Variants in ANKRD24 observed in about 807,000 individuals in gnomAD.
ANKRD24 encodes ankyrin repeat domain-containing protein 24.
ANKRD24 carries 109 observed loss-of-function variants against 127.8 expected under a neutral mutation model. The observed-to-expected ratio is 0.85, with a 90% confidence interval of 0.73 to 1.00. The LOEUF is 1.00. Ranked by LOEUF, ANKRD24 falls within the 50% of genes least tolerant of loss-of-function variation. The probability of loss-of-function intolerance (pLI) is 0.00; values close to 1 mark genes in which losing one functional copy is unlikely to be tolerated. For missense variants in ANKRD24, 1,648 were observed against 1,570.2 expected (o/e 1.05, Z -0.84); for synonymous variants, 743 against 671.1 (o/e 1.11, Z -1.66).
intron 7 of ANKRD24, among the ~76,000 whole-genome samples, chr19:4,205,152 T>C (rs150429823): frequency 0.043 from 6,468 of 151,622 alleles, 373 homozygotes; most frequent in African/African-American, 0.13. Context: ...GCAGGAGAAT[T>C]GCTTAAACCC....
chr19:4,194,419 C>T (rs1045062350), intron 2 of ANKRD24, among the ~76,000 whole-genome samples: 5 of 152,132 alleles, frequency 3.3e-5, no homozygotes, highest in African/African-American at 1.2e-4. Context: ...TCCCAAAGTG[C>T]TGAGATTGTA....
rs182130038 is a variant in ANKRD24 at position 4,195,158 on chromosome 19, C to T, written c.37-4525C>T. 1.2e-4 allele frequency among the ~76,000 whole-genome samples: 18 copies of T among 152,096 alleles called. No individual in the cohort carries two copies. Among genetic ancestry groups the T allele is most frequent in the South Asian group, 4.2e-4 (2 of 4,818 alleles). On this transcript the variant is annotated intron_variant, in intron 2 of 21. Coordinates refer to ENST00000318934, the MANE Select transcript of ANKRD24 (RefSeq NM_001393985.1). The surrounding 1 kb of genome is among the most constrained non-coding windows in gnomAD (Gnocchi z 4.2). ...CACGACTTCTGCTCACTGCAAGCTC[C>T]GCCTCCCGGGTGCACGCCATTCTCC...
chr19:4,184,151 C>T (rs539934033), intron 1 of ANKRD24, among the ~76,000 whole-genome samples: 5 of 152,212 alleles, frequency 3.3e-5, no homozygotes, highest in Admixed American at 6.5e-5. Context: ...TCTCCTCCCT[C>T]GGCTCATCCC....
In ANKRD24 at chr19:4,217,489, A is replaced by AGCGGGG. The variant is rs1334973157; in HGVS notation, c.2334_2339dup (p.Gly781_Gly782dup). On this transcript the variant is annotated inframe_insertion, in exon 18 of 22. Transcript: ENST00000318934. ...CCGCGAGGCCGAGGGCAGCGGGGCC[A>AGCGGGG]GCGGGGGCGGTGGCGGTGACACCAC... The AGCGGGG allele has an allele frequency of 1.3e-5, 18 of 1,418,158 alleles. No homozygotes were observed. The African/African-American group carries it at 2.7e-4, about 22-fold the overall frequency. 87.8% of individuals were successfully genotyped at this position (1,418,158 alleles called of 1,614,324 possible). A position where few individuals can be genotyped will look rare whatever the true frequency, so the allele number is the denominator to read the frequency against.
In ANKRD24 at chr19:4,217,397, A is replaced by G. The variant is rs1970166469; in HGVS notation, c.2237A>G (p.Glu746Gly). The G allele has an allele frequency of 6.5e-7, 1 of 1,549,866 alleles. No homozygotes were observed. The highest frequency in any genetic ancestry group is 8.7e-7 in the Non-Finnish European group (1 of 1,146,812). Residue 746 changes from glutamate (E) to glycine (G), a missense_variant, in exon 18 of 22, where the codon GAG (glutamate) becomes GGG (glycine). Transcript: ENST00000318934. ...CAGCGGGAGCGGGAGGCAGCTGCGG[A>G]GCTGGAGGCGGCCCTGGGGAAGTGC... is the stretch of plus-strand genomic sequence containing the variant. ...LRQREREAAAELEAALGKCEA... is the reference protein window; with the variant it reads ...LRQREREAAAGLEAALGKCEA...
At position 4,210,245 on chromosome 19, in the gene ANKRD24, C is replaced by G; in HGVS notation, c.952-20C>G. The G allele has an allele frequency of 1.3e-6, 2 of 1,567,426 alleles. No homozygotes were observed. Among genetic ancestry groups the G allele is most frequent in the Non-Finnish European group, 1.7e-6 (2 of 1,155,318 alleles). On this transcript the variant is annotated intron_variant, in intron 12 of 21. Transcript: ENST00000318934. Reference sequence around the variant, plus strand: ...GCAACCTTAGGCCCCATCTAAAGGCCGTGGTGGGGAGGGGAACAGGATGAT... The same window carrying G: ...GCAACCTTAGGCCCCATCTAAAGGCGGTGGTGGGGAGGGGAACAGGATGAT...
rs1370524736 is a variant in ANKRD24 at position 4,219,672 on chromosome 19, G to A, written c.3085G>A (p.Gly1029Arg). Reference protein sequence around the residue: ...QLATAEQQLRGLRTEAERARQ... With the variant: ...QLATAEQQLRRLRTEAERARQ... ...GGCCACAGCAGAGCAGCAGCTACGG[G>A]GGCTACGGACCGAGGCGGAAAGGGC... is the stretch of plus-strand genomic sequence containing the variant. Residue 1029 changes from glycine to arginine, a missense_variant, in exon 19 of 22, where the codon GGG becomes AGG. Coordinates refer to ENST00000318934, the MANE Select transcript of ANKRD24 (RefSeq NM_001393985.1). 1.2e-6 allele frequency: 2 copies of A among 1,613,782 alleles called. No individual in the cohort carries two copies. Among genetic ancestry groups the A allele is most frequent in the East Asian group, 2.2e-5 (1 of 44,888 alleles).
Position 4,199,782 on chromosome 19 carries a change from G to C in ANKRD24, c.123+13G>C. On this transcript the variant is annotated intron_variant, in intron 3 of 21. Coordinates refer to ENST00000318934, the MANE Select transcript of ANKRD24 (RefSeq NM_001393985.1). The surrounding 1 kb of genome is among the most constrained non-coding windows in gnomAD (Gnocchi z 5.2). The stretch of plus-strand genomic sequence containing the variant: ...AGGCAGGCGCCAGGCAAGTGCCCAG[G>C]GGCAGGTGGTGAGAGCCCGGAGCCC... 19 of 1,534,464 alleles carry C rather than the reference G, an allele frequency of 1.2e-5. No homozygotes were observed. Among genetic ancestry groups the C allele is most frequent in the Non-Finnish European group, 1.7e-5 (19 of 1,141,730 alleles).
rs1366055007 is a variant in ANKRD24, at chr19:4,217,003, G to A, written c.1843G>A (p.Glu615Lys). ...CAGAGAAATGGAGACCACAGAAGAA[G>A]AAGCAAACATGGAAACTAAGCCCAC... The part of the protein sequence containing the change: ...EVREMETTEE[E>K]ANMETKPTGA... Residue 615 changes from glutamate (E) to lysine (K), a missense_variant, in exon 18 of 22, where the codon GAA becomes AAA. Transcript: ENST00000318934. 1.9e-6 allele frequency: 3 copies of A among 1,613,654 alleles called. No homozygotes were observed. Among genetic ancestry groups the A allele is most frequent in the East Asian group, 2.2e-5 (1 of 44,896 alleles).
At chr19:4,190,875 T>C (rs1156910737) in intron 2 of ANKRD24, among the ~76,000 whole-genome samples, 1 of 152,260 alleles carries the variant, frequency 6.6e-6, no homozygotes, top group Non-Finnish European at 1.5e-5. Context: ...AGCCATATGA[T>C]TGCTTAATTT....
intron 16 of ANKRD24, 92 bp downstream of exon 16, chr19:4,216,142 G>GGTGT (rs1970053087): frequency 6.9e-7 from 1 of 1,446,278 alleles, no homozygotes; most frequent in East Asian, 2.5e-5. Context: ...TTTGAAGCTG[G>GGTGT]GAGGGAGGTT....
chr19:4,186,538 C>G, intron 2 of ANKRD24, 77 bp downstream of exon 2: 17 of 1,498,112 alleles, frequency 1.1e-5, no homozygotes, highest in Non-Finnish European at 1.5e-5. Flanking sequence ...GCTGAAGATC[C>G]ACCCTTTCAT....
chr19:4,194,822 G>C (rs1759807241), intron 2 of ANKRD24, among the ~76,000 whole-genome samples: 1 of 152,274 alleles, frequency 6.6e-6, no homozygotes, highest in Admixed American at 6.5e-5. Context: ...ACAGGACACA[G>C]TGTGCAGCCA....
rs1970499260 is a variant in ANKRD24, at chr19:4,222,591, C to T, written c.3172-79C>T. 14 of 1,439,704 alleles carry T rather than the reference C, an allele frequency of 9.7e-6. No homozygotes were observed. In the South Asian group the frequency reaches 2.2e-4, roughly 22 times the overall value. 89.2% of individuals were successfully genotyped at this position (1,439,704 alleles called of 1,614,324 possible). ...TCCCTTGAAAGCCTTTATCCCTGGCCTCTTCCTGCGGCTGCAGAGAGGTCC... is the reference window on the plus strand; with the variant it reads ...TCCCTTGAAAGCCTTTATCCCTGGCTTCTTCCTGCGGCTGCAGAGAGGTCC... On this transcript the variant is annotated intron_variant, in intron 19 of 21. Transcript: ENST00000318934.
chr19:4,202,748 C>T (rs1387286687), intron 6 of ANKRD24, 121 bp from the exon 7 acceptor site: 1 of 1,045,364 alleles, frequency 9.6e-7, no homozygotes, highest in Non-Finnish European at 1.5e-6. Context: ...AATGGAGTCC[C>T]TTGGGGGCCA....
At chr19:4,185,368 G>A (rs1426585410) in intron 1 of ANKRD24, among the ~76,000 whole-genome samples, 1 of 152,088 alleles carries the variant, frequency 6.6e-6, no homozygotes, top group African/African-American at 2.4e-5. Flanking sequence ...CCAGGTGAGT[G>A]CATAGGTGGT....
In ANKRD24 at chr19:4,216,396, G is replaced by A; in HGVS notation, c.1383G>A (p.Lys461=). The part of the protein sequence containing the change: ...LTRQNQELME[K]VQILENFEKD... Reference sequence around the variant, plus strand: ...GACAGAACCAGGAACTGATGGAGAAGGTCCAGGTAGGGAAAGTGAGGCTGG... The same window carrying A: ...GACAGAACCAGGAACTGATGGAGAAAGTCCAGGTAGGGAAAGTGAGGCTGG... Residue 461 remains lysine (K), a synonymous_variant, in exon 17 of 22, where the codon AAG becomes AAA. Transcript: ENST00000318934. 1 of 1,566,432 alleles carries A rather than the reference G, an allele frequency of 6.4e-7. No individual in the cohort carries two copies. Among genetic ancestry groups the A allele is most frequent in the Non-Finnish European group, 8.7e-7 (1 of 1,155,676 alleles).
At position 4,216,924 on chromosome 19, in the gene ANKRD24, A is replaced by T. The variant is rs1418634581; in HGVS notation, c.1764A>T (p.Gly588=). Residue 588 remains glycine (G), a synonymous_variant, in exon 18 of 22, where the codon GGA becomes GGT. Transcript: ENST00000318934. ...EAEATGAEAT[G]AEATGAKVTE... ...AGGCCACGGGAGCCGAGGCCACGGGAGCTGAGGCCACAGGAGCCAAGGTCA... is the reference window on the plus strand; with the variant it reads ...AGGCCACGGGAGCCGAGGCCACGGGTGCTGAGGCCACAGGAGCCAAGGTCA... 6.2e-7 allele frequency: 1 copy of T among 1,610,068 alleles called. No homozygotes were observed. The highest frequency in any genetic ancestry group is 1.1e-5 in the South Asian group (1 of 90,536).
intron 11 of ANKRD24, among the ~76,000 whole-genome samples, chr19:4,209,652 T>G (rs1969593402): frequency 6.6e-6 from 1 of 150,922 alleles, no homozygotes; most frequent in Non-Finnish European, 1.5e-5. Flanking sequence ...GGTTTCACTC[T>G]GTGTTGTCCA....
Sources: allele counts gnomAD v4.1 joint callset (sites outside exome capture counted in the v4.1 genomes callset), GRCh38; gene constraint gnomAD v4.1.1; non-coding constraint Gnocchi (gnomAD v3.1); transcripts MANE v1.5; gene names NCBI Gene and HGNC (gene_info 2026-07-23, HGNC 2026-07-21).